ADAMTS15: variants seen among roughly 807,000 people sequenced by gnomAD.
ADAMTS15 encodes ADAM metallopeptidase with thrombospondin type 1 motif 15, also known as A disintegrin and metalloproteinase with thrombospondin motifs 15.
ADAMTS15 carries 35 observed loss-of-function variants against 79.1 expected under a neutral mutation model. The ratio of observed to expected loss-of-function variants is 0.44; its 90% CI spans 0.34 to 0.59. ADAMTS15 has a LOEUF of 0.59. Among genes scored for constraint, ADAMTS15 ranks in the 20% least tolerant of loss-of-function variants. The pLI, the probability that ADAMTS15 is intolerant of heterozygous loss-of-function variation, is 0.02. For synonymous variants in ADAMTS15, 616 were observed against 567.3 expected, an observed-to-expected ratio of 1.09 and a Z score of -1.22; for missense variants, 1,324 against 1,318.7, an observed-to-expected ratio of 1.00 and a Z score of -0.06.
chr11:130,461,035 A>G (rs1463313066), intron 1 of ADAMTS15, among the ~76,000 whole-genome samples: 1 of 152,184 alleles, frequency 6.6e-6, no homozygotes, highest in Non-Finnish European at 1.5e-5. Flanking sequence ...ATGGTTGGCC[A>G]AAAGGCAGCC....
intron 1 of ADAMTS15, among the ~76,000 whole-genome samples, chr11:130,459,482 C>T (rs1450479076): frequency 1.3e-5 from 2 of 152,170 alleles, no homozygotes; most frequent in Non-Finnish European, 2.9e-5. Context: ...CAAGTTTTGA[C>T]AGTGGTTGTT....
Position 130,473,984 on chromosome 11 carries a change from T to G in ADAMTS15, c.*163T>G. ...GCTGGGGCGAGAGGTTCCCTCCTCC[T>G]CCCTGGACTGGGCAGAGGGAAGCCC... On this transcript the variant is annotated 3_prime_UTR_variant, in exon 8 of 8. Coordinates refer to ENST00000299164, the MANE Select transcript of ADAMTS15 (RefSeq NM_139055.4). 1 of 996,936 alleles carries G rather than the reference T, an allele frequency of 1.0e-6. No homozygotes were observed. Among genetic ancestry groups the G allele is most frequent in the Non-Finnish European group, 1.4e-6 (1 of 700,014 alleles). The allele number at this position is 996,936 out of a possible 1,614,324, so 61.8% of individuals were successfully genotyped here.
chr11:130,458,158 G>A (rs1307663336), intron 1 of ADAMTS15, among the ~76,000 whole-genome samples: 1 of 152,196 alleles, frequency 6.6e-6, no homozygotes, highest in Non-Finnish European at 1.5e-5. Context: ...GGGTGGCTGA[G>A]TTCCAGACGC....
At chr11:130,456,456 C>T (rs145464989) in intron 1 of ADAMTS15, among the ~76,000 whole-genome samples, 152 of 152,322 alleles carry the variant, frequency 1.0e-3, no homozygotes, top group African/African-American at 3.6e-3. Flanking sequence ...TAACATTCTT[C>T]GTCACATTGC....
intron 4 of ADAMTS15, among the ~76,000 whole-genome samples, chr11:130,463,910 G>C (rs1315256865): frequency 6.6e-6 from 1 of 152,202 alleles, no homozygotes; most frequent in Non-Finnish European, 1.5e-5. Context: ...GGGAGAACCA[G>C]GGTCAAGAGA....
chr11:130,463,443 TGTTTTGGGG>T (rs1938242260), intron 4 of ADAMTS15, among the ~76,000 whole-genome samples: 1 of 152,150 alleles, frequency 6.6e-6, no homozygotes, highest in African/African-American at 2.4e-5. Context: ...GTTCAGGTCT[TGTTTTGGGG>T]GTTTTGGGGG....
intron 1 of ADAMTS15, among the ~76,000 whole-genome samples, chr11:130,458,977 C>A (rs1938144656): frequency 6.6e-6 from 1 of 151,086 alleles, no homozygotes; most frequent in African/African-American, 2.4e-5. Context: ...TGTTTCTCAG[C>A]TGTCACATTC....
Position 130,469,373 on chromosome 11 carries a change from G to T in ADAMTS15, c.1654G>T (p.Gly552Cys). 1 of 1,362,174 alleles carries T rather than the reference G, an allele frequency of 7.3e-7. No homozygotes were observed. Among genetic ancestry groups the T allele is most frequent in the Non-Finnish European group, 9.5e-7 (1 of 1,048,810 alleles). The allele number at this position is 1,362,174 out of a possible 1,614,324, so 84.4% of individuals were successfully genotyped here. A position where few individuals can be genotyped will look rare whatever the true frequency, so the allele number is the denominator to read the frequency against. The change falls in exon 5 of 8, where the codon GGC becomes TGC. Residue 552 changes from glycine to cysteine, a missense_variant. Transcript: ENST00000299164. ...CACCAACCCCACCCCTGCCAACGGGGGCAAGTACTGCGAGGGAGTGAGGGT... is the reference window on the plus strand; with the variant it reads ...CACCAACCCCACCCCTGCCAACGGGTGCAAGTACTGCGAGGGAGTGAGGGT... ...QCTNPTPANGGKYCEGVRVKY... is the reference protein window; with the variant it reads ...QCTNPTPANGCKYCEGVRVKY...
chr11:130,472,966 A>G lies in ADAMTS15; in HGVS notation c.2079-81A>G, dbSNP rs1214554377. 3 of 1,542,086 alleles carry G rather than the reference A, an allele frequency of 1.9e-6. No homozygotes were observed. The highest frequency in any genetic ancestry group is 4.5e-5 in the East Asian group (2 of 44,290). ...CCAGAATTCACCGAAAGCTAGGTTT[A>G]CTGAGGAAAACAGATCCTGGAGCAT... On this transcript the variant is annotated intron_variant, in intron 7 of 7. Transcript: ENST00000299164. The surrounding 1 kb of genome is among the most constrained non-coding windows in gnomAD (Gnocchi z 4.7).
At position 130,472,518 on chromosome 11, in the gene ADAMTS15, A is replaced by G. The variant is rs1938478939; in HGVS notation, c.2079-529A>G. 6.6e-6 allele frequency among the ~76,000 whole-genome samples: 1 copy of G among 152,204 alleles called. No individual in the cohort carries two copies. The highest frequency in any genetic ancestry group is 1.5e-5 in the Non-Finnish European group (1 of 68,032). On this transcript the variant is annotated intron_variant, in intron 7 of 7. Transcript: ENST00000299164. The surrounding 1 kb of genome is among the most constrained non-coding windows in gnomAD (Gnocchi z 4.7). ...GCTTAACCTACTCATTATGCAGATG[A>G]GGACACCAGAATCCAGAGATACTGG...
Position 130,449,385 on chromosome 11 carries a change from C to T in ADAMTS15, c.412C>T (p.Pro138Ser), listed in dbSNP as rs765957284. ...CCGAGGCGCCGAGTATGTCATTAGC[C>T]CGCTGCCCAATGCTAGCGCGCCGGC... ...GYRGAEYVIS[P>S]LPNASAPAAQ... Residue 138 changes from proline to serine, a missense_variant, in exon 1 of 8, where the codon CCG (proline) becomes TCG (serine). Pro to Ser is a moderately conservative substitution (Grantham distance 74, BLOSUM62 -1). Coordinates refer to ENST00000299164, the MANE Select transcript of ADAMTS15 (RefSeq NM_139055.4). The surrounding 1 kb of genome is among the most constrained non-coding windows in gnomAD (Gnocchi z 7.8). 5 of 1,603,392 alleles carry T rather than the reference C, an allele frequency of 3.1e-6. No homozygotes were observed. The highest frequency in any genetic ancestry group is 3.3e-5 in the Admixed American group (2 of 60,002).
At chr11:130,470,166 ATATATATATATATATGTGTG>A (rs1221784471) in intron 5 of ADAMTS15, among the ~76,000 whole-genome samples, 14 of 57,578 alleles carry the variant, frequency 2.4e-4, no homozygotes, top group African/African-American at 1.1e-3. Flanking sequence ...ATATATATAT[ATATATATATATATATGTGTG>A]TATATATATA....
In ADAMTS15 at chr11:130,473,586, G is replaced by A. The variant is rs750323599; in HGVS notation, c.2618G>A (p.Arg873His). Residue 873 changes from arginine (R) to histidine (H), a missense_variant, in exon 8 of 8, where the codon CGC becomes CAC. By Grantham distance (29) the Arg-to-His change is conservative. Coordinates refer to ENST00000299164, the MANE Select transcript of ADAMTS15 (RefSeq NM_139055.4). ...GACTGCCGGGGCTCCGCCGGGCAGC[G>A]CACGGTCCCTGCCTGTGATGCAGCC... ...AVDCRGSAGQ[R>H]TVPACDAAHR... The A allele has an allele frequency of 1.3e-5, 21 of 1,606,490 alleles. No homozygotes were observed. The highest frequency in any genetic ancestry group is 1.1e-4 in the East Asian group (5 of 44,710).
chr11:130,470,184 G>A (rs2324058), intron 5 of ADAMTS15, among the ~76,000 whole-genome samples: 4,587 of 48,820 alleles, frequency 0.094, 413 homozygotes, highest in African/African-American at 0.2. Context: ...ATATATATGT[G>A]TGTATATATA....
chr11:130,468,912 T>C lies in ADAMTS15; in HGVS notation c.1543-350T>C, dbSNP rs1254040552. 2.4e-5 allele frequency among the ~76,000 whole-genome samples: 3 copies of C among 123,600 alleles called. No individual in the cohort carries two copies. In the East Asian group the frequency reaches 6.8e-4, roughly 28 times the overall value. 81.1% of individuals were successfully genotyped at this position (123,600 alleles called of 152,430 possible). A position where few individuals can be genotyped will look rare whatever the true frequency, so the allele number is the denominator to read the frequency against. ...ATATTGTGCCATTGCACTCCAGCCT[T>C]GGCAAAAGAGGGAGACTCCACCTCA... is the stretch of plus-strand genomic sequence containing the variant. On this transcript the variant is annotated intron_variant, in intron 4 of 7. Transcript: ENST00000299164.
At chr11:130,457,192 C>A (rs112153215) in intron 1 of ADAMTS15, among the ~76,000 whole-genome samples, 5 of 150,566 alleles carry the variant, frequency 3.3e-5, no homozygotes, top group Non-Finnish European at 5.9e-5. Context: ...GATCACACGA[C>A]TGTACTCCAG....
At position 130,470,133 on chromosome 11, in the gene ADAMTS15, C is replaced by CATGTGTATATATATATATATGTGTATAT. The variant is rs1555080995; in HGVS notation, c.1720+696_1720+697insGTGTATATATATATATATGTGTATATAT. Among the ~76,000 whole-genome samples the CATGTGTATATATATATATATGTGTATAT allele has an allele frequency of 3.7e-4, 28 of 74,784 alleles. 2 individuals are homozygous for CATGTGTATATATATATATATGTGTATAT. Among genetic ancestry groups the CATGTGTATATATATATATATGTGTATAT allele is most frequent in the African/African-American group, 1.3e-3 (22 of 17,056 alleles). The allele number at this position is 74,784 out of a possible 152,430, so 49.1% of individuals were successfully genotyped here. A position where few individuals can be genotyped will look rare whatever the true frequency, so the allele number is the denominator to read the frequency against. ...CATTACTGAATCATATATATATATA[C>CATGTGTATATATATATATATGTGTATAT]ATATATATATATATATATGTGTATA... On this transcript the variant is annotated intron_variant, in intron 5 of 7. Transcript: ENST00000299164.
rs928568914 is a variant in ADAMTS15 at position 130,472,006 on chromosome 11, C to T, written c.2078+623C>T. On this transcript the variant is annotated intron_variant, in intron 7 of 7. Coordinates refer to ENST00000299164, the MANE Select transcript of ADAMTS15 (RefSeq NM_139055.4). The surrounding 1 kb of genome is among the most constrained non-coding windows in gnomAD (Gnocchi z 4.7). ...GCAGCTGGGACTGAAGGAGTCTTCACGTCTTGGGCAATCCCTGGGCATCTA... is the reference window on the plus strand; with the variant it reads ...GCAGCTGGGACTGAAGGAGTCTTCATGTCTTGGGCAATCCCTGGGCATCTA... Among the ~76,000 whole-genome samples the T allele has an allele frequency of 1.3e-5, 2 of 152,232 alleles. No individual in the cohort carries two copies. The highest frequency in any genetic ancestry group is 6.5e-5 in the Admixed American group (1 of 15,276).
At position 130,449,490 on chromosome 11, in the gene ADAMTS15, C is replaced by T. The variant is rs750586125; in HGVS notation, c.517C>T (p.Arg173Cys). The T allele has an allele frequency of 5.1e-6, 8 of 1,558,050 alleles. No individual in the cohort carries two copies. The highest frequency in any genetic ancestry group is 3.6e-5 in the South Asian group (3 of 83,086). Residue 173 changes from arginine (R) to cysteine (C), a missense_variant, in exon 1 of 8, where the codon CGC (arginine) becomes TGC (cysteine). Transcript: ENST00000299164. This position sits in a 1 kb window ranked among gnomAD's most constrained non-coding sequence, Gnocchi z 7.8. The stretch of plus-strand genomic sequence containing the variant: ...CGGGCCTTCCGGAGACCCCACCTCT[C>T]GCTGCGGGGTGGCCTCGGGCTGGAA... ...PGGPSGDPTS[R>C]CGVASGWNPA...
Sources: gnomAD v4.1 joint callset for allele counts (sites outside exome capture counted in the v4.1 genomes callset) on GRCh38, gnomAD v4.1.1 for gene constraint, Gnocchi (gnomAD v3.1) non-coding constraint, MANE v1.5 for transcripts, NCBI Gene and HGNC (gene_info 2026-07-23, HGNC 2026-07-21) for gene names.